IL22RA1: variants seen among roughly 807,000 people sequenced by gnomAD.
The protein encoded by IL22RA1 is interleukin 22 receptor subunit alpha 1, also known as interleukin-22 receptor subunit alpha-1.
Under a neutral mutation model 32.8 loss-of-function variants are expected in IL22RA1, and 25 were observed. The ratio of observed to expected loss-of-function variants is 0.76; its 90% CI spans 0.55 to 1.06. The LOEUF is 1.06. IL22RA1 is among the 50% of genes least tolerant of loss of function. The pLI is 0.00. For missense variants in IL22RA1, 709 were observed against 727.4 expected, an observed-to-expected ratio of 0.97 and a Z score of 0.29; for synonymous variants, 305 against 305.0, an observed-to-expected ratio of 1.00 and a Z score of 0.00.
In IL22RA1 at chr1:24,124,774, C is replaced by A. The variant is rs142946228; in HGVS notation, c.671-1351G>T. Among the ~76,000 whole-genome samples, 569 of 152,222 alleles carry A rather than the reference C, an allele frequency of 3.7e-3. 5 individuals are homozygous for A. Among genetic ancestry groups the A allele is most frequent in the Middle Eastern group, 0.031 (9 of 294 alleles). Reference sequence around the variant, plus strand: ...CTTGGGCCTCTCTGGGTCAGCTTCCCACTTCAGTGAAACCCTGTCTCCTGT... The same window carrying A: ...CTTGGGCCTCTCTGGGTCAGCTTCCAACTTCAGTGAAACCCTGTCTCCTGT... On this transcript the variant is annotated intron_variant, in intron 5 of 6. Transcript: ENST00000270800.
intron 3 of IL22RA1, among the ~76,000 whole-genome samples, chr1:24,135,359 C>A (rs1644234638): frequency 6.6e-6 from 1 of 152,060 alleles, no homozygotes; most frequent in South Asian, 2.1e-4. Flanking sequence ...TTTTATTTTT[C>A]TTTGTATATT....
chr1:24,139,671 C>T (rs1289491815), intron 1 of IL22RA1, among the ~76,000 whole-genome samples: 1 of 152,146 alleles, frequency 6.6e-6, no homozygotes, highest in Non-Finnish European at 1.5e-5. Context: ...GTAGCTGGGA[C>T]TACAGACATG....
intron 3 of IL22RA1, among the ~76,000 whole-genome samples, chr1:24,136,098 G>T (rs993714854): frequency 6.6e-6 from 1 of 152,172 alleles, no homozygotes; most frequent in African/African-American, 2.4e-5. Context: ...GGGACTACAA[G>T]TGTGTGCCAC....
intron 5 of IL22RA1, among the ~76,000 whole-genome samples, chr1:24,125,063 G>T (rs937103667): frequency 1.3e-5 from 2 of 152,138 alleles, no homozygotes; most frequent in Non-Finnish European, 2.9e-5. Flanking sequence ...GATATGCTGA[G>T]CATCCTTCCT....
chr1:24,123,169 A>C, intron 6 of IL22RA1, 133 bp downstream of exon 6: 1 of 1,322,234 alleles, frequency 7.6e-7, no homozygotes, highest in Non-Finnish European at 1.0e-6. Context: ...TGGGACTGTG[A>C]GCTCCGTGAA....
chr1:24,123,855 C>T (rs997173500), intron 5 of IL22RA1, among the ~76,000 whole-genome samples: 6 of 152,160 alleles, frequency 3.9e-5, no homozygotes, highest in African/African-American at 1.4e-4. Context: ...TATAGATGCC[C>T]CAGCCCTCAT....
chr1:24,142,237 C>G, intron 1 of IL22RA1, among the ~76,000 whole-genome samples: 2 of 152,306 alleles, frequency 1.3e-5, no homozygotes, highest in Admixed American at 1.3e-4. Context: ...TCTGCCTTTT[C>G]GTGGGCCTCG....
Position 24,137,177 on chromosome 1 carries a change from G to T in IL22RA1, c.309C>A (p.Gly103=). The T allele has an allele frequency of 6.2e-7, 1 of 1,613,930 alleles. No homozygotes were observed. The change falls in exon 3 of 7, where the codon GGC becomes GGA. Residue 103 remains glycine, a synonymous_variant. Coordinates refer to ENST00000270800, the MANE Select transcript of IL22RA1 (RefSeq NM_021258.4). ...TGTCAGTCATCTTGGTGGCTGACCG[G>T]CCTCCCGCACTGACAGCGGTGACCC... ...YARVTAVSAG[G]RSATKMTDRF...
intron 6 of IL22RA1, 145 bp from the exon 7 acceptor site, chr1:24,121,882 C>T: frequency 2.0e-6 from 1 of 505,242 alleles, no homozygotes; most frequent in Non-Finnish European, 3.4e-6. Context: ...CCATCTGCTT[C>T]CCAGAGACTC....
At chr1:24,125,171 T>C (rs888703777) in intron 5 of IL22RA1, among the ~76,000 whole-genome samples, 1 of 152,198 alleles carries the variant, frequency 6.6e-6, no homozygotes, top group Non-Finnish European at 1.5e-5. Flanking sequence ...CATGTAGAGC[T>C]GGGTGCTCTA....
chr1:24,140,747 C>G (rs940797545), intron 1 of IL22RA1, among the ~76,000 whole-genome samples: 1 of 152,328 alleles, frequency 6.6e-6, no homozygotes, highest in South Asian at 2.1e-4. Flanking sequence ...AAATGGCGGC[C>G]CAAGCTGGCA....
chr1:24,140,258 T>A (rs1435080909), intron 1 of IL22RA1, among the ~76,000 whole-genome samples: 4 of 152,210 alleles, frequency 2.6e-5, no homozygotes, highest in Non-Finnish European at 5.9e-5. Context: ...ACCTACAATA[T>A]TCATCCCAGT....
rs1176475412 is a variant in IL22RA1 at position 24,121,728 on chromosome 1, G to C, written c.802C>G (p.Arg268Gly). Residue 268 changes from arginine to glycine, a missense_variant, in exon 7 of 7, where the codon CGA becomes GGA. Arg to Gly is a moderately radical substitution (Grantham distance 125). Coordinates refer to ENST00000270800, the MANE Select transcript of IL22RA1 (RefSeq NM_021258.4). ...CGCAGCGGCTGGAAAGTCAGGACTC[G>C]CTGGACGTTCTGTGCAGGGACGACA... is the stretch of plus-strand genomic sequence containing the variant. Reference protein sequence around the residue: ...PAPPNSLNVQRVLTFQPLRFI... With the variant: ...PAPPNSLNVQGVLTFQPLRFI... The C allele has an allele frequency of 6.5e-7, 1 of 1,534,172 alleles. No homozygotes were observed. The highest frequency in any genetic ancestry group is 8.8e-7 in the Non-Finnish European group (1 of 1,136,144).
Position 24,128,288 on chromosome 1 carries a change from G to A in IL22RA1, c.532-9C>T. 3 of 1,613,442 alleles carry A rather than the reference G, an allele frequency of 1.9e-6. No homozygotes were observed. The highest frequency in any genetic ancestry group is 1.3e-5 in the African/African-American group (1 of 74,944). On this transcript the variant is annotated splice_polypyrimidine_tract_variant and intron_variant, in intron 4 of 6. Transcript: ENST00000270800. ...TGCTTCCCTCCAAGGTGCTGAATTGGACAGAGAATGGAATGTGATTCCTGT... is the reference window on the plus strand; with the variant it reads ...TGCTTCCCTCCAAGGTGCTGAATTGAACAGAGAATGGAATGTGATTCCTGT...
chr1:24,141,405 C>T (rs1445211904), intron 1 of IL22RA1, among the ~76,000 whole-genome samples: 2 of 151,910 alleles, frequency 1.3e-5, no homozygotes, highest in Non-Finnish European at 2.9e-5. Context: ...CAGGCTCCAT[C>T]AAGGCTTGGG....
rs1644112495 is a variant in IL22RA1 at position 24,120,563 on chromosome 1, G to A, written c.*242C>T. On this transcript the variant is annotated 3_prime_UTR_variant, in exon 7 of 7. Transcript: ENST00000270800. ...CTGCCTTGCAGGGCTCAGCGAGCAC[G>A]CGCTTGTCTACACAAGCTGCTCCCC... 1.1e-5 allele frequency: 5 copies of A among 472,700 alleles called. No individual in the cohort carries two copies. The highest frequency in any genetic ancestry group is 6.5e-5 in the East Asian group (2 of 30,936). 29.3% of individuals were successfully genotyped at this position (472,700 alleles called of 1,614,324 possible). A position where few individuals can be genotyped will look rare whatever the true frequency, so the allele number is the denominator to read the frequency against.
chr1:24,123,333 A>T lies in IL22RA1; in HGVS notation c.761T>A (p.Val254Asp). Residue 254 changes from valine (V) to aspartate (D), a missense_variant, in exon 6 of 7, where the codon GTC (valine) becomes GAC (aspartate). Coordinates refer to ENST00000270800, the MANE Select transcript of IL22RA1 (RefSeq NM_021258.4). ...GTTGGGAGGTGCAGGCGGCTTGGTG[A>T]CATATCTGTAGCTCAGGTAGCAGAG... Reference protein sequence around the residue: ...AVLCYLSYRYVTKPPAPPNSL... With the variant: ...AVLCYLSYRYDTKPPAPPNSL... The T allele has an allele frequency of 6.2e-7, 1 of 1,614,114 alleles. No homozygotes were observed. The highest frequency in any genetic ancestry group is 8.5e-7 in the Non-Finnish European group (1 of 1,180,000).
intron 5 of IL22RA1, among the ~76,000 whole-genome samples, chr1:24,126,812 C>G (rs565857794): frequency 6.6e-6 from 1 of 152,244 alleles, no homozygotes; most frequent in African/African-American, 2.4e-5. Context: ...CATCATGATG[C>G]TTGTGATGAG....
chr1:24,139,483 T>C (rs549016198), intron 1 of IL22RA1, among the ~76,000 whole-genome samples: 2 of 152,174 alleles, frequency 1.3e-5, no homozygotes, highest in East Asian at 3.9e-4. Flanking sequence ...ATATAGTAGC[T>C]CTATCTTTAA....
Sources: gnomAD v4.1 joint callset for allele counts (sites outside exome capture counted in the v4.1 genomes callset) on GRCh38, gnomAD v4.1.1 for gene constraint, MANE v1.5 for transcripts, NCBI Gene and HGNC (gene_info 2026-07-23, HGNC 2026-07-21) for gene names.